KCNB2: variants seen among roughly 807,000 people sequenced by gnomAD.
KCNB2 encodes potassium voltage-gated channel subfamily B member 2.
A neutral mutation model predicts 61.5 loss-of-function variants in KCNB2; 15 were observed. The observed-to-expected ratio is 0.24, with a 90% CI of 0.16 to 0.38. KCNB2 has a LOEUF of 0.38. KCNB2 is among the 10% of genes least tolerant of loss of function. KCNB2 has a pLI of 1.00. For missense variants in KCNB2, 828 were observed against 1,125.2 expected (o/e 0.74, Z 3.78); for synonymous variants, 457 against 446.0 (o/e 1.02, Z -0.31).
At chr8:72,683,118 A>T (rs910066560) in intron 2 of KCNB2, among the ~76,000 whole-genome samples, 4 of 152,228 alleles carry the variant, frequency 2.6e-5, no homozygotes, top group Non-Finnish European at 4.4e-5. Context: ...TCCTGGCATA[A>T]TGAAAGAACT....
chr8:72,774,690 A>G (rs1387273895), intron 2 of KCNB2, among the ~76,000 whole-genome samples: 2 of 152,100 alleles, frequency 1.3e-5, no homozygotes, highest in Non-Finnish European at 2.9e-5. Flanking sequence ...AAATTTACAT[A>G]TATAAAAATT....
At chr8:72,758,605 C>T (rs1808330269) in intron 2 of KCNB2, among the ~76,000 whole-genome samples, 1 of 152,186 alleles carries the variant, frequency 6.6e-6, no homozygotes, top group Non-Finnish European at 1.5e-5. Flanking sequence ...CTCATCTGCT[C>T]CATGTTTATT....
intron 2 of KCNB2, among the ~76,000 whole-genome samples, chr8:72,739,136 C>T (rs1409221391): frequency 6.6e-6 from 1 of 151,900 alleles, no homozygotes; most frequent in Non-Finnish European, 1.5e-5. Flanking sequence ...ACCCCATAAT[C>T]ACTCTGACCT....
intron 2 of KCNB2, among the ~76,000 whole-genome samples, chr8:72,859,094 A>G (rs11780806): frequency 0.18 from 27,560 of 152,160 alleles, 3,177 homozygotes; most frequent in Non-Finnish European, 0.26. Flanking sequence ...TTTTTAAAGC[A>G]TCAGTCTCAG....
At chr8:72,917,361 A>G (rs1451099600) in intron 2 of KCNB2, among the ~76,000 whole-genome samples, 7 of 150,890 alleles carry the variant, frequency 4.6e-5, no homozygotes, top group African/African-American at 1.5e-4. Context: ...AATATGTGAG[A>G]TATCACCCTT....
rs186481999 is a variant in KCNB2 at position 72,869,559 on chromosome 8, T to C, written c.580-66376T>C. On this transcript the variant is annotated intron_variant, in intron 2 of 2. Transcript: ENST00000523207. The stretch of plus-strand genomic sequence containing the variant: ...GACAAAAGAATTAAACAGACAGTTC[T>C]CCAAAGAAGACACACAAATGGCCAA... Among the ~76,000 whole-genome samples the C allele has an allele frequency of 4.0e-5, 6 of 148,676 alleles. No individual in the cohort carries two copies. The East Asian group carries it at 1.2e-3, about 29-fold the overall frequency.
At chr8:72,762,113 C>T (rs1054535588) in intron 2 of KCNB2, among the ~76,000 whole-genome samples, 1 of 152,174 alleles carries the variant, frequency 6.6e-6, no homozygotes, top group Non-Finnish European at 1.5e-5. Flanking sequence ...ATCTGAGTAG[C>T]GCCACCCTCC....
intron 2 of KCNB2, among the ~76,000 whole-genome samples, chr8:72,702,894 G>C (rs1035287960): frequency 6.6e-5 from 10 of 152,118 alleles, no homozygotes; most frequent in African/African-American, 2.4e-4. Flanking sequence ...TCCACTCCCC[G>C]TGGCATGTCT....
intron 2 of KCNB2, among the ~76,000 whole-genome samples, chr8:72,588,379 G>A (rs545397089): frequency 7.3e-5 from 11 of 151,648 alleles, no homozygotes; most frequent in South Asian, 4.2e-4. Context: ...CCACCACGCC[G>A]GCTAATTTTG....
chr8:72,731,434 T>C (rs1807736245), intron 2 of KCNB2, among the ~76,000 whole-genome samples: 1 of 152,252 alleles, frequency 6.6e-6, no homozygotes, highest in South Asian at 2.1e-4. Flanking sequence ...ATGTTAAACA[T>C]GGAAGTATCT....
At chr8:72,709,852 A>G (rs1251521310) in intron 2 of KCNB2, among the ~76,000 whole-genome samples, 1 of 152,162 alleles carries the variant, frequency 6.6e-6, no homozygotes, top group Non-Finnish European at 1.5e-5. Flanking sequence ...ATGATAATGA[A>G]GCCACTAAGT....
intron 2 of KCNB2, among the ~76,000 whole-genome samples, chr8:72,618,512 G>A (rs920229118): frequency 5.3e-5 from 8 of 152,068 alleles, no homozygotes; most frequent in Admixed American, 2.6e-4. Flanking sequence ...ATTTTTTTCA[G>A]AGAAAAGGTA....
At chr8:72,814,434 A>G (rs1197992887) in intron 2 of KCNB2, among the ~76,000 whole-genome samples, 1 of 152,140 alleles carries the variant, frequency 6.6e-6, no homozygotes, top group African/African-American at 2.4e-5. Context: ...AAGTGGTTAT[A>G]CTAATTTATA....
At chr8:72,769,689 C>T (rs548442327) in intron 2 of KCNB2, among the ~76,000 whole-genome samples, 1 of 152,256 alleles carries the variant, frequency 6.6e-6, no homozygotes, top group South Asian at 2.1e-4. Flanking sequence ...AAGAGCTCTG[C>T]ATGCCTCCTG....
intron 2 of KCNB2, among the ~76,000 whole-genome samples, chr8:72,890,301 G>A (rs1805875598): frequency 6.6e-6 from 1 of 152,198 alleles, no homozygotes; most frequent in Non-Finnish European, 1.5e-5. Flanking sequence ...AAGTCTAGTT[G>A]AGGGTGGGGA....
chr8:72,893,117 T>C (rs1805928150), intron 2 of KCNB2, among the ~76,000 whole-genome samples: 1 of 150,708 alleles, frequency 6.6e-6, no homozygotes, highest in Non-Finnish European at 1.5e-5. Flanking sequence ...AAAAAAAAAC[T>C]AGATGGCCAT....
chr8:72,693,944 A>G (rs1460931508), intron 2 of KCNB2, among the ~76,000 whole-genome samples: 1 of 152,222 alleles, frequency 6.6e-6, no homozygotes, highest in Non-Finnish European at 1.5e-5. Context: ...CTACAGGAAC[A>G]CTTATATCAA....
intron 2 of KCNB2, among the ~76,000 whole-genome samples, chr8:72,756,498 T>A (rs1256063043): frequency 6.6e-6 from 1 of 152,238 alleles, no homozygotes; most frequent in African/African-American, 2.4e-5. Flanking sequence ...ATGGAGTTTT[T>A]AAAATTCCAA....
chr8:72,783,705 T>G lies in KCNB2; in HGVS notation c.580-152230T>G, dbSNP rs548396642. 2.6e-5 allele frequency among the ~76,000 whole-genome samples: 4 copies of G among 152,262 alleles called. No homozygotes were observed. The East Asian group carries it at 7.7e-4, about 29-fold the overall frequency. On this transcript the variant is annotated intron_variant, in intron 2 of 2. Transcript: ENST00000523207. ...TTGCTGTCATCCACTAAATGTAACC[T>G]CCATGGGACCAGGGACCTGCCTTTT...
Sources: allele counts gnomAD v4.1 joint callset (sites outside exome capture counted in the v4.1 genomes callset), GRCh38; gene constraint gnomAD v4.1.1; transcripts MANE v1.5; gene names NCBI Gene and HGNC (gene_info 2026-07-23, HGNC 2026-07-21).